NKAIN3: variants seen among roughly 807,000 people sequenced by gnomAD.
The protein encoded by NKAIN3 is sodium/potassium-transporting ATPase subunit beta-1-interacting protein 3.
NKAIN3 carries 25 observed loss-of-function variants against 30.2 expected under a neutral mutation model. That is an observed-to-expected ratio of 0.83 (90% CI 0.60 to 1.16). NKAIN3 has a LOEUF of 1.16. NKAIN3 is among the 50% of genes most tolerant of loss of function. The pLI is 0.00. For synonymous variants in NKAIN3, 91 were observed against 89.6 expected (o/e 1.02, Z -0.09); for missense variants, 225 against 254.1 (o/e 0.89, Z 0.78).
intron 3 of NKAIN3, among the ~76,000 whole-genome samples, chr8:62,715,954 G>A (rs1003572568): frequency 6.6e-6 from 1 of 152,218 alleles, no homozygotes; most frequent in African/African-American, 2.4e-5. Flanking sequence ...AAGGCACTTA[G>A]CACAGGGGTG....
intron 4 of NKAIN3, among the ~76,000 whole-genome samples, chr8:62,820,096 T>A (rs779925272): frequency 6.6e-6 from 1 of 152,102 alleles, no homozygotes; most frequent in Non-Finnish European, 1.5e-5. Context: ...ACATGACTAA[T>A]AGTATTTCCA....
intron 3 of NKAIN3, among the ~76,000 whole-genome samples, chr8:62,610,293 C>A (rs935298750): frequency 2.7e-5 from 4 of 150,160 alleles, no homozygotes; most frequent in Non-Finnish European, 5.9e-5. Context: ...TGCAGTGAGC[C>A]AAGATCATAC....
intron 1 of NKAIN3, among the ~76,000 whole-genome samples, chr8:62,249,376 C>A (rs1812012626): frequency 6.6e-6 from 1 of 152,196 alleles, no homozygotes; most frequent in African/African-American, 2.4e-5. Context: ...GGGTTCGCCG[C>A]GCTCCCGCCG....
intron 1 of NKAIN3, among the ~76,000 whole-genome samples, chr8:62,515,379 C>A (rs966073018): frequency 6.6e-6 from 1 of 152,060 alleles, no homozygotes; most frequent in East Asian, 1.9e-4. Context: ...TAGCATAAAC[C>A]TTTCACATTT....
chr8:62,737,198 C>T (rs1480194892), intron 3 of NKAIN3, among the ~76,000 whole-genome samples: 1 of 152,166 alleles, frequency 6.6e-6, no homozygotes, highest in Non-Finnish European at 1.5e-5. Flanking sequence ...CTGAGTGGGA[C>T]CCACAAGTTA....
At chr8:62,425,211 A>C (rs1804771477) in intron 1 of NKAIN3, among the ~76,000 whole-genome samples, 1 of 151,840 alleles carries the variant, frequency 6.6e-6, no homozygotes, top group Non-Finnish European at 1.5e-5. Flanking sequence ...ATTGTTCAAC[A>C]TTGTGTCTAT....
chr8:62,930,026 G>T (rs1320412447), intron 5 of NKAIN3, among the ~76,000 whole-genome samples: 3 of 152,100 alleles, frequency 2.0e-5, no homozygotes, highest in African/African-American at 7.2e-5. Flanking sequence ...AGTCACTTTA[G>T]GGGAGAGCTT....
At chr8:62,787,519 C>A (rs1326245518) in intron 4 of NKAIN3, among the ~76,000 whole-genome samples, 1 of 151,886 alleles carries the variant, frequency 6.6e-6, no homozygotes, top group East Asian at 1.9e-4. Flanking sequence ...ATACTATCAT[C>A]CTCTTTTTTT....
intron 4 of NKAIN3, among the ~76,000 whole-genome samples, chr8:62,847,631 T>C (rs1397030427): frequency 6.6e-6 from 1 of 152,040 alleles, no homozygotes; most frequent in Non-Finnish European, 1.5e-5. Context: ...ACTCTGTAGG[T>C]TGTATTTGCT....
intron 6 of NKAIN3, among the ~76,000 whole-genome samples, chr8:62,959,251 C>T (rs1421967396): frequency 6.6e-6 from 1 of 152,142 alleles, no homozygotes; most frequent in Admixed American, 6.5e-5. Flanking sequence ...CTCTGACAAT[C>T]CGGGTACACA....
intron 4 of NKAIN3, among the ~76,000 whole-genome samples, chr8:62,813,038 C>T (rs1818541921): frequency 6.6e-6 from 1 of 151,784 alleles, no homozygotes; most frequent in Non-Finnish European, 1.5e-5. Context: ...TAATTGAAGG[C>T]CTAAGGCCTC....
intron 1 of NKAIN3, among the ~76,000 whole-genome samples, chr8:62,318,837 G>A (rs1246460080): frequency 2.0e-5 from 3 of 152,168 alleles, no homozygotes; most frequent in African/African-American, 7.2e-5. Flanking sequence ...TCAGGATGAT[G>A]CTGGCCTCAT....
At chr8:62,702,100 C>T (rs1814357546) in intron 3 of NKAIN3, among the ~76,000 whole-genome samples, 1 of 152,162 alleles carries the variant, frequency 6.6e-6, no homozygotes, top group African/African-American at 2.4e-5. Flanking sequence ...GATTATAGAT[C>T]GTTCCCACAG....
In NKAIN3 at chr8:62,967,684, G is replaced by A. The variant is rs1291894237; in HGVS notation, c.*2277G>A. On this transcript the variant is annotated 3_prime_UTR_variant, in exon 7 of 7. Coordinates refer to ENST00000623646, the MANE Select transcript of NKAIN3 (RefSeq NM_001304533.3). ...AATGCCAATAATTATTGTTAGTATTGTTACGATTATTGAAAAAGCTGATAA... is the reference window on the plus strand; with the variant it reads ...AATGCCAATAATTATTGTTAGTATTATTACGATTATTGAAAAAGCTGATAA... Among the ~76,000 whole-genome samples, 2 of 152,048 alleles carry A rather than the reference G, an allele frequency of 1.3e-5. No individual in the cohort carries two copies. The highest frequency in any genetic ancestry group is 2.9e-5 in the Non-Finnish European group (2 of 68,020).
chr8:62,529,090 G>A (rs1279909824), intron 1 of NKAIN3, among the ~76,000 whole-genome samples: 1 of 152,072 alleles, frequency 6.6e-6, no homozygotes, highest in East Asian at 1.9e-4. Context: ...AGCAGATGAG[G>A]TATAGGTACA....
intron 1 of NKAIN3, among the ~76,000 whole-genome samples, chr8:62,426,273 A>G (rs1804806839): frequency 6.6e-6 from 1 of 151,984 alleles, no homozygotes; most frequent in Non-Finnish European, 1.5e-5. Context: ...GAAAAATTTG[A>G]CAATGGGTAT....
intron 3 of NKAIN3, among the ~76,000 whole-genome samples, chr8:62,720,139 A>C (rs997534823): frequency 1.3e-5 from 2 of 152,214 alleles, no homozygotes; most frequent in South Asian, 4.1e-4. Flanking sequence ...GGATTGTGTC[A>C]AAATGAAGTA....
At chr8:62,755,919 C>A (rs534369309) in intron 4 of NKAIN3, among the ~76,000 whole-genome samples, 1 of 152,214 alleles carries the variant, frequency 6.6e-6, no homozygotes, top group South Asian at 2.1e-4. Context: ...AGGGCTTTGG[C>A]AGAAACATTT....
intron 1 of NKAIN3, among the ~76,000 whole-genome samples, chr8:62,492,467 A>G (rs1219261111): frequency 6.6e-6 from 1 of 152,088 alleles, no homozygotes; most frequent in Non-Finnish European, 1.5e-5. Context: ...TCTGTTGCCT[A>G]TGTCCTACCT....
Sources: allele counts gnomAD v4.1 joint callset (sites outside exome capture counted in the v4.1 genomes callset), GRCh38; gene constraint gnomAD v4.1.1; transcripts MANE v1.5; gene names NCBI Gene and HGNC (gene_info 2026-07-23, HGNC 2026-07-21).